CYTH1: variants seen among roughly 807,000 people sequenced by gnomAD.
CYTH1 encodes cytohesin 1, also known as cytohesin-1.
A neutral mutation model predicts 61.8 loss-of-function variants in CYTH1; 18 were observed. The observed-to-expected ratio is 0.29, with a 90% CI of 0.20 to 0.43. The LOEUF is 0.43. Among genes scored for constraint, CYTH1 ranks in the 20% least tolerant of loss-of-function variants. CYTH1 has a pLI of 1.00. For synonymous variants in CYTH1, 174 were observed against 184.3 expected (o/e 0.94, Z 0.45); for missense variants, 336 against 510.5 (o/e 0.66, Z 3.29).
At chr17:78,767,970 T>C (rs552984377) in intron 1 of CYTH1, among the ~76,000 whole-genome samples, 1 of 152,268 alleles carries the variant, frequency 6.6e-6, no homozygotes, top group South Asian at 2.1e-4. Flanking sequence ...AAAACACATA[T>C]AGTCTGCAGC....
At chr17:78,731,555 C>G (rs911779780) in intron 1 of CYTH1, among the ~76,000 whole-genome samples, 1 of 151,826 alleles carries the variant, frequency 6.6e-6, no homozygotes, top group African/African-American at 2.4e-5. Flanking sequence ...GTCAGGAGAT[C>G]GAGACCATCC....
In CYTH1 at chr17:78,698,191, ACG is replaced by A. The variant is rs2092965344; in HGVS notation, c.811+76_811+77del. ...CAAACACGCACACGCGCACACACGC[ACG>A]CACGCACACACGCACACACACCGCC... On this transcript the variant is annotated intron_variant, in intron 9 of 13. Transcript: ENST00000446868. 3.4e-6 allele frequency: 4 copies of A among 1,171,832 alleles called. No individual in the cohort carries two copies. In the African/African-American group the frequency reaches 6.2e-5, roughly 18 times the overall value. 72.6% of individuals were successfully genotyped at this position (1,171,832 alleles called of 1,614,324 possible).
intron 1 of CYTH1, among the ~76,000 whole-genome samples, chr17:78,716,441 T>C (rs140328572): frequency 6.6e-6 from 1 of 152,344 alleles, no homozygotes; most frequent in Non-Finnish European, 1.5e-5. Context: ...CTGGCCAATT[T>C]GTAGCTAGAA....
rs1366705602 is a variant in CYTH1 at position 78,674,250 on chromosome 17, T to G, written c.*1841A>C. 2.0e-5 allele frequency: 3 copies of G among 152,660 alleles called. No individual in the cohort carries two copies. The highest frequency in any genetic ancestry group is 3.2e-3 in the Middle Eastern group (1 of 316). 9.5% of individuals were successfully genotyped at this position (152,660 alleles called of 1,614,324 possible). On this transcript the variant is annotated 3_prime_UTR_variant, in exon 14 of 14. Coordinates refer to ENST00000446868, the MANE Select transcript of CYTH1 (RefSeq NM_004762.6). ...AATCTAAAAGGAGAAAAACTATACA[T>G]AGATTATTTACACCTCTGATAAATA...
rs1484039992 is a variant in CYTH1, at chr17:78,700,308, C to G, written c.550+23G>C. ...TCCAGTGTAAAACGCCCATCATAAA[C>G]TAGGATGAATGATCGTATTTACCCG... On this transcript the variant is annotated intron_variant, in intron 7 of 13. Transcript: ENST00000446868. The surrounding 1 kb of genome is among the most constrained non-coding windows in gnomAD (Gnocchi z 5.1). 9 of 1,577,082 alleles carry G rather than the reference C, an allele frequency of 5.7e-6. No individual in the cohort carries two copies. The East Asian group carries it at 2.1e-4, about 37-fold the overall frequency.
intron 11 of CYTH1, among the ~76,000 whole-genome samples, chr17:78,681,837 C>CAA (rs35074589): frequency 0.097 from 7,009 of 72,052 alleles, 353 homozygotes; most frequent in African/African-American, 0.2. Context: ...GACTCTGTCT[C>CAA]AAAAAAAAAA....
rs1341066203 is a variant in CYTH1 at position 78,760,502 on chromosome 17, T to C, written c.22+21700A>G. Among the ~76,000 whole-genome samples, 16 of 43,892 alleles carry C rather than the reference T, an allele frequency of 3.6e-4. 1 individual carries two copies. The highest frequency in any genetic ancestry group is 6.9e-4 in the East Asian group (1 of 1,450). The allele number at this position is 43,892 out of a possible 152,430, so 28.8% of individuals were successfully genotyped here. On this transcript the variant is annotated intron_variant, in intron 1 of 13. Coordinates refer to ENST00000446868, the MANE Select transcript of CYTH1 (RefSeq NM_004762.6). ...ATATGTATGTATATATATATACATA[T>C]ATATGTATATATATGTATATATATA... is the stretch of plus-strand genomic sequence containing the variant.
At chr17:78,740,184 C>T (rs546370190) in intron 1 of CYTH1, among the ~76,000 whole-genome samples, 95 of 152,298 alleles carry the variant, frequency 6.2e-4, no homozygotes, top group African/African-American at 2.3e-3. Context: ...GATCCACCCA[C>T]CTTGGCCTCC....
Position 78,702,416 on chromosome 17 carries a change from T to C in CYTH1, c.237+122A>G, listed in dbSNP as rs115181989. ...AGGAACAAGGGCTTAGTGCATAACA[T>C]TTGCTCTACAAAACGGCAACATGAA... On this transcript the variant is annotated intron_variant, in intron 4 of 13. Coordinates refer to ENST00000446868, the MANE Select transcript of CYTH1 (RefSeq NM_004762.6). The C allele has an allele frequency of 1.4e-5, 16 of 1,137,894 alleles. No individual in the cohort carries two copies. In the African/African-American group the frequency reaches 2.3e-4, roughly 17 times the overall value. 70.5% of individuals were successfully genotyped at this position (1,137,894 alleles called of 1,614,324 possible). A position where few individuals can be genotyped will look rare whatever the true frequency, so the allele number is the denominator to read the frequency against.
At chr17:78,715,423 G>A (rs374712072) in intron 1 of CYTH1, among the ~76,000 whole-genome samples, 1 of 152,268 alleles carries the variant, frequency 6.6e-6, no homozygotes, top group East Asian at 1.9e-4. Context: ...ATCAAGGAAC[G>A]GGACTGACTC....
chr17:78,701,571 C>T (rs2093009157), intron 6 of CYTH1, 100 bp downstream of exon 6: 1 of 1,096,856 alleles, frequency 9.1e-7, no homozygotes, highest in Non-Finnish European at 1.4e-6. Flanking sequence ...TCAAATCATA[C>T]CCAAAGATAT....
chr17:78,702,682 A>G, intron 3 of CYTH1, 78 bp from the exon 4 acceptor site: 1 of 1,439,322 alleles, frequency 6.9e-7, no homozygotes, highest in South Asian at 1.2e-5. Flanking sequence ...ATTTCCACTG[A>G]TTTACACAGG....
intron 1 of CYTH1, among the ~76,000 whole-genome samples, chr17:78,743,624 C>T (rs1287246480): frequency 6.6e-6 from 1 of 152,216 alleles, no homozygotes; most frequent in Admixed American, 6.5e-5. Context: ...ATAAGAAATA[C>T]TCAACCCATA....
At chr17:78,776,083 A>C (rs917504966) in intron 1 of CYTH1, among the ~76,000 whole-genome samples, 1 of 152,200 alleles carries the variant, frequency 6.6e-6, no homozygotes, top group Non-Finnish European at 1.5e-5. Flanking sequence ...TGAACCCAGG[A>C]GGCAGAAGTT....
At chr17:78,742,459 G>A (rs1308691676) in intron 1 of CYTH1, among the ~76,000 whole-genome samples, 3 of 152,144 alleles carry the variant, frequency 2.0e-5, no homozygotes, top group Non-Finnish European at 4.4e-5. Context: ...CTACTTGGGA[G>A]GCTGAGACAG....
chr17:78,698,017 C>A (rs2092959566), intron 9 of CYTH1, among the ~76,000 whole-genome samples: 2 of 152,206 alleles, frequency 1.3e-5, no homozygotes, highest in African/African-American at 4.8e-5. Context: ...CTTTTGGAAG[C>A]CGACCTTTGT....
At chr17:78,779,533 C>T (rs2093508258) in intron 1 of CYTH1, among the ~76,000 whole-genome samples, 1 of 152,040 alleles carries the variant, frequency 6.6e-6, no homozygotes, top group African/African-American at 2.4e-5. Context: ...GAATAGGTTA[C>T]CTTACATGGC....
intron 11 of CYTH1, among the ~76,000 whole-genome samples, chr17:78,684,183 C>T (rs2092792794): frequency 6.6e-6 from 1 of 152,162 alleles, no homozygotes; most frequent in Non-Finnish European, 1.5e-5. Flanking sequence ...CTGCTCCATC[C>T]TGCAGAGCGT....
At chr17:78,772,306 T>C (rs545635548) in intron 1 of CYTH1, among the ~76,000 whole-genome samples, 57 of 152,314 alleles carry the variant, frequency 3.7e-4, no homozygotes, top group Non-Finnish European at 7.5e-4. Flanking sequence ...GTTTCATCCC[T>C]TTCATCTCTC....
Sources: gnomAD v4.1 joint callset for allele counts (sites outside exome capture counted in the v4.1 genomes callset) on GRCh38, gnomAD v4.1.1 for gene constraint, Gnocchi (gnomAD v3.1) non-coding constraint, MANE v1.5 for transcripts, NCBI Gene and HGNC (gene_info 2026-07-23, HGNC 2026-07-21) for gene names.